SLF2: variants seen among roughly 807,000 people sequenced by gnomAD.
SLF2 encodes the protein SMC5/6 complex localization factor 2.
SLF2 carries 68 observed loss-of-function variants against 124.3 expected under a neutral mutation model. That is an observed-to-expected ratio of 0.55 (90% confidence interval 0.45 to 0.67). The LOEUF is 0.67. Among genes scored for constraint, SLF2 ranks in the 30% least tolerant of loss-of-function variants. SLF2 has a pLI of 0.00. For synonymous variants in SLF2, 480 were observed against 478.8 expected, an observed-to-expected ratio of 1.00 and a Z score of -0.03; for missense variants, 1,246 against 1,373.7, an observed-to-expected ratio of 0.91 and a Z score of 1.47.
chr10:100,957,114 A>G (rs1338085067), intron 18 of SLF2, among the ~76,000 whole-genome samples: 3 of 152,192 alleles, frequency 2.0e-5, no homozygotes, highest in Non-Finnish European at 2.9e-5. Flanking sequence ...TCTAGTACTA[A>G]TGATACATAT....
chr10:100,938,842 C>A, intron 11 of SLF2, 106 bp downstream of exon 11: 4 of 1,072,680 alleles, frequency 3.7e-6, no homozygotes, highest in Non-Finnish European at 5.1e-6. Flanking sequence ...AAAGATCTCT[C>A]AAAGTTGAGA....
At chr10:100,925,875 C>T in intron 5 of SLF2, 74 bp from the exon 6 acceptor site, 11 of 1,384,230 alleles carry the variant, frequency 7.9e-6, no homozygotes, top group Non-Finnish European at 1.1e-5. Context: ...TCTTTCGTAC[C>T]CTTAATTACT....
At position 100,959,427 on chromosome 10, in the gene SLF2, G is replaced by A; in HGVS notation, c.3418-1G>A. On this transcript the variant is annotated splice_acceptor_variant, in intron 18 of 19. Coordinates refer to ENST00000238961, the MANE Select transcript of SLF2 (RefSeq NM_018121.4). LOFTEE classifies it high-confidence loss of function. Reference sequence around the variant, plus strand: ...CTTTTCCTGTTTTTGATATTTTTAAGGTGAAAGACTTGGTCGCCAGGATAC... The same window carrying A: ...CTTTTCCTGTTTTTGATATTTTTAAAGTGAAAGACTTGGTCGCCAGGATAC... 6.2e-7 allele frequency: 1 copy of A among 1,603,248 alleles called. No individual in the cohort carries two copies. The highest frequency in any genetic ancestry group is 8.5e-7 in the Non-Finnish European group (1 of 1,176,804).
chr10:100,916,468 A>G, intron 2 of SLF2, 102 bp from the exon 3 acceptor site: 3 of 1,008,894 alleles, frequency 3.0e-6, no homozygotes, highest in Non-Finnish European at 3.7e-6. Context: ...TTTTGTGGTA[A>G]CATTAGTATA....
rs536188034 is a variant in SLF2, at chr10:100,952,915, G to A, written c.3330+2162G>A. ...GATCACGCCATTGCACACCAGCCTG[G>A]GCAACAGGAGCAAAATTCTGTCTCA... is the stretch of plus-strand genomic sequence containing the variant. On this transcript the variant is annotated intron_variant, in intron 17 of 19. Coordinates refer to ENST00000238961, the MANE Select transcript of SLF2 (RefSeq NM_018121.4). Among the ~76,000 whole-genome samples, 14 of 152,242 alleles carry A rather than the reference G, an allele frequency of 9.2e-5. No homozygotes were observed. The East Asian group carries it at 2.5e-3, about 27-fold the overall frequency.
At chr10:100,914,596 T>C (rs1289944180) in intron 1 of SLF2, among the ~76,000 whole-genome samples, 3 of 152,178 alleles carry the variant, frequency 2.0e-5, no homozygotes, top group Non-Finnish European at 4.4e-5. Context: ...CCTCAATCAA[T>C]AACAAGATCA....
At chr10:100,932,720 TGCGCGC>T (rs1554878718) in intron 9 of SLF2, among the ~76,000 whole-genome samples, 4 of 36,266 alleles carry the variant, frequency 1.1e-4, no homozygotes, top group Middle Eastern at 0.022. Context: ...TGTGTGTGTG[TGCGCGC>T]GCGCGCGCGC....
chr10:100,939,563 A>G (rs1180410639), intron 11 of SLF2, among the ~76,000 whole-genome samples: 7 of 151,890 alleles, frequency 4.6e-5, no homozygotes, highest in African/African-American at 1.7e-4. Flanking sequence ...CTGTAGTCCC[A>G]GCTACTTGGG....
At chr10:100,928,068 CGAGAGAGAG>C (rs1360974697) in intron 6 of SLF2, among the ~76,000 whole-genome samples, 11 of 59,516 alleles carry the variant, frequency 1.8e-4, no homozygotes, top group South Asian at 5.2e-4. Flanking sequence ...CACACACACA[CGAGAGAGAG>C]ACAGAGAGAG....
At chr10:100,959,677 C>A in intron 19 of SLF2, 181 bp downstream of exon 19, 1 of 1,126,546 alleles carries the variant, frequency 8.9e-7, no homozygotes, top group Non-Finnish European at 1.2e-6. Flanking sequence ...GCTTTATATT[C>A]ATTAATTTAT....
At chr10:100,961,773 G>A in intron 19 of SLF2, 104 bp from the exon 20 acceptor site, 3 of 923,338 alleles carry the variant, frequency 3.2e-6, no homozygotes, top group South Asian at 3.8e-5. Flanking sequence ...TTTATTACTT[G>A]TCTTATCAAA....
intron 9 of SLF2, among the ~76,000 whole-genome samples, chr10:100,931,650 C>T (rs1225792782): frequency 1.3e-5 from 2 of 152,088 alleles, no homozygotes; most frequent in African/African-American, 2.4e-5. Context: ...TGGTGTTACT[C>T]TAGATACTTC....
In SLF2 at chr10:100,944,291, C is replaced by T. The variant is rs190991072; in HGVS notation, c.2757+163C>T. ...CGGGCAGATCACAAGGTCAGGAGATCGAGACCATCCTGGCTAACACGGTGA... is the reference window on the plus strand; with the variant it reads ...CGGGCAGATCACAAGGTCAGGAGATTGAGACCATCCTGGCTAACACGGTGA... On this transcript the variant is annotated intron_variant, in intron 12 of 19. Transcript: ENST00000238961. 9.7e-4 allele frequency among the ~76,000 whole-genome samples: 148 copies of T among 151,962 alleles called. 1 individual carries two copies. Among genetic ancestry groups the T allele is most frequent in the African/African-American group, 3.2e-3 (131 of 41,448 alleles).
At chr10:100,948,125 A>G (rs756691613) in intron 15 of SLF2, among the ~76,000 whole-genome samples, 60 of 152,394 alleles carry the variant, frequency 3.9e-4, no homozygotes, top group Non-Finnish European at 7.5e-4. Flanking sequence ...ATGTGCAATT[A>G]TATGAATATG....
At chr10:100,938,239 T>C (rs1376141028) in intron 10 of SLF2, among the ~76,000 whole-genome samples, 1 of 152,234 alleles carries the variant, frequency 6.6e-6, no homozygotes, top group Non-Finnish European at 1.5e-5. Context: ...CTGTTTCATC[T>C]GTCCTGGGGA....
intron 17 of SLF2, 58 bp downstream of exon 17, chr10:100,950,811 A>G (rs1402617428): frequency 3.1e-6 from 4 of 1,292,018 alleles, no homozygotes. Context: ...TGATGATGGA[A>G]TGAGTGAGCA....
chr10:100,919,001 C>CTTTTTTTTTTTTTTTTTTTTTTTTTTTTT (rs528512219), intron 4 of SLF2, among the ~76,000 whole-genome samples: 1 of 105,710 alleles, frequency 9.5e-6, no homozygotes, highest in African/African-American at 4.3e-5. Context: ...GAAACATAAT[C>CTTTTTTTTTTTTTTTTTTTTTTTTTTTTT]TTTTTTTTTT....
At chr10:100,952,435 T>C (rs1312132635) in intron 17 of SLF2, among the ~76,000 whole-genome samples, 1 of 143,052 alleles carries the variant, frequency 7.0e-6, no homozygotes, top group Non-Finnish European at 1.5e-5. Context: ...TAATCCCAGC[T>C]ACTCTGGAGG....
At chr10:100,928,855 A>G (rs1196911340) in intron 6 of SLF2, among the ~76,000 whole-genome samples, 4 of 152,204 alleles carry the variant, frequency 2.6e-5, no homozygotes, top group Admixed American at 6.5e-5. Flanking sequence ...AGGTGTTGTG[A>G]TGATGATGAC....
Sources: allele counts gnomAD v4.1 joint callset (sites outside exome capture counted in the v4.1 genomes callset), GRCh38; gene constraint gnomAD v4.1.1; transcripts MANE v1.5; gene names NCBI Gene and HGNC (gene_info 2026-07-23, HGNC 2026-07-21).